TAF4B: variants seen among roughly 807,000 people sequenced by gnomAD.
The protein encoded by TAF4B is TATA-box binding protein associated factor 4b, also known as transcription initiation factor TFIID subunit 4B.
Under a neutral mutation model 86.4 loss-of-function variants are expected in TAF4B, and 38 were observed. The ratio of observed to expected loss-of-function variants is 0.44; its 90% CI spans 0.34 to 0.58. The LOEUF (loss-of-function observed/expected upper bound fraction) is 0.58, where lower values mean the gene tolerates loss of function less well. Ranked by LOEUF, TAF4B falls within the 20% of genes least tolerant of loss-of-function variation. The pLI is 0.02. For synonymous variants in TAF4B, 388 were observed against 391.2 expected, an observed-to-expected ratio of 0.99 and a Z score of 0.10; for missense variants, 988 against 1,027.6, an observed-to-expected ratio of 0.96 and a Z score of 0.53.
intron 1 of TAF4B, among the ~76,000 whole-genome samples, chr18:26,249,457 G>C (rs2055971931): frequency 6.6e-6 from 1 of 150,778 alleles, no homozygotes; most frequent in African/African-American, 2.4e-5. Flanking sequence ...GGGCAACAGA[G>C]CAAAACTCTC....
chr18:26,383,944 C>T (rs1164582037), intron 14 of TAF4B, among the ~76,000 whole-genome samples: 1 of 152,160 alleles, frequency 6.6e-6, no homozygotes, highest in East Asian at 1.9e-4. Context: ...GGCCTAGAAG[C>T]TTGGGTATTG....
chr18:26,361,614 A>C (rs1003776307), intron 14 of TAF4B, among the ~76,000 whole-genome samples: 3 of 151,796 alleles, frequency 2.0e-5, no homozygotes, highest in Non-Finnish European at 2.9e-5. Context: ...GCGTGGTGTC[A>C]TGTGCCTGTA....
At chr18:26,248,954 A>G (rs1261041395) in intron 1 of TAF4B, among the ~76,000 whole-genome samples, 5 of 151,734 alleles carry the variant, frequency 3.3e-5, no homozygotes, top group African/African-American at 4.8e-5. Flanking sequence ...TGGGTGGATC[A>G]TGACGTCAGG....
At chr18:26,333,347 A>G (rs977617769) in intron 12 of TAF4B, among the ~76,000 whole-genome samples, 5 of 151,074 alleles carry the variant, frequency 3.3e-5, no homozygotes, top group Non-Finnish European at 7.4e-5. Context: ...CAGCCTCCCA[A>G]GTAGTTGGGA....
At chr18:26,264,541 G>A (rs2056212719) in intron 1 of TAF4B, among the ~76,000 whole-genome samples, 1 of 152,198 alleles carries the variant, frequency 6.6e-6, no homozygotes, top group African/African-American at 2.4e-5. Context: ...TCTGGCATGT[G>A]GCATTGTTAG....
chr18:26,283,531 A>T (rs1236691401), intron 6 of TAF4B, among the ~76,000 whole-genome samples: 1 of 151,930 alleles, frequency 6.6e-6, no homozygotes, highest in Non-Finnish European at 1.5e-5. Flanking sequence ...TTGTTCATTG[A>T]TAGAGCACAG....
intron 7 of TAF4B, among the ~76,000 whole-genome samples, chr18:26,290,889 A>G (rs559143016): frequency 1.3e-5 from 2 of 152,360 alleles, no homozygotes; most frequent in African/African-American, 4.8e-5. Flanking sequence ...TGAGACCTGT[A>G]TATTACTTTG....
In TAF4B at chr18:26,283,452, T is replaced by C. The variant is rs2056474597; in HGVS notation, c.972+1392T>C. 2.0e-5 allele frequency among the ~76,000 whole-genome samples: 3 copies of C among 152,000 alleles called. No individual in the cohort carries two copies. In the South Asian group the frequency reaches 6.2e-4, roughly 32 times the overall value. On this transcript the variant is annotated intron_variant, in intron 6 of 14. Coordinates refer to ENST00000269142, the MANE Select transcript of TAF4B (RefSeq NM_005640.3). ...TCTTTTTTTTTTTTCTTCTGAGCAG[T>C]AGTTCTCAACAGTGGGCTTAAAATA...
intron 14 of TAF4B, among the ~76,000 whole-genome samples, chr18:26,380,278 T>C (rs2057469474): frequency 6.6e-6 from 1 of 152,222 alleles, no homozygotes; most frequent in Non-Finnish European, 1.5e-5. Context: ...ATTTCTTTTC[T>C]ACATTTAAAG....
intron 1 of TAF4B, among the ~76,000 whole-genome samples, chr18:26,230,497 T>A (rs1204840399): frequency 1.3e-5 from 2 of 152,210 alleles, no homozygotes; most frequent in Non-Finnish European, 2.9e-5. Flanking sequence ...CTTTTCAGTG[T>A]TCACCATACA....
intron 10 of TAF4B, among the ~76,000 whole-genome samples, chr18:26,318,543 G>A (rs561157173): frequency 9.9e-5 from 15 of 152,082 alleles, no homozygotes; most frequent in Non-Finnish European, 1.0e-4. Context: ...CTTGAATAAT[G>A]TTAACAGATA....
At chr18:26,387,202 C>T (rs957803202) in intron 14 of TAF4B, among the ~76,000 whole-genome samples, 1 of 152,096 alleles carries the variant, frequency 6.6e-6, no homozygotes, top group African/African-American at 2.4e-5. Context: ...AGTAAGTGAG[C>T]TTACAGACGC....
chr18:26,355,884 A>G (rs2057285124), intron 13 of TAF4B, among the ~76,000 whole-genome samples: 2 of 152,202 alleles, frequency 1.3e-5, no homozygotes, highest in Admixed American at 6.5e-5. Context: ...CAGCAACAAG[A>G]GATATTTTAT....
chr18:26,319,284 G>C (rs2056939626), intron 10 of TAF4B, among the ~76,000 whole-genome samples: 1 of 151,972 alleles, frequency 6.6e-6, no homozygotes. Flanking sequence ...TTGAGGTCAG[G>C]AGTTTGAGAC....
intron 9 of TAF4B, among the ~76,000 whole-genome samples, chr18:26,299,656 T>C (rs980540064): frequency 1.3e-5 from 2 of 152,208 alleles, no homozygotes; most frequent in Non-Finnish European, 2.9e-5. Flanking sequence ...AGGTCTGTTG[T>C]TTTCTTTGGG....
At chr18:26,335,258 T>C (rs954911721) in intron 13 of TAF4B, 27 bp downstream of exon 13, 15 of 1,606,206 alleles carry the variant, frequency 9.3e-6, no homozygotes, top group Non-Finnish European at 1.2e-5. Context: ...ACCATGCTTG[T>C]CTTTGTGTTT....
rs779544275 is a variant in TAF4B, at chr18:26,227,035, G to C, written c.102G>C (p.Arg34=). ...CCCCGGCCGGGGCGCTGCCGGTGCG[G>C]GTGGAGAGCACTCCGGTGGCCCTGG... ...TMAPAGALPV[R]VESTPVALGA... Residue 34 remains arginine (R), a synonymous_variant, in exon 1 of 15, where the codon CGG becomes CGC. Coordinates refer to ENST00000269142, the MANE Select transcript of TAF4B (RefSeq NM_005640.3). 1.4e-3 allele frequency: 2,105 copies of C among 1,540,800 alleles called. No homozygotes were observed. The highest frequency in any genetic ancestry group is 1.7e-3 in the Non-Finnish European group (1,945 of 1,155,052).
At position 26,285,929 on chromosome 18, in the gene TAF4B, C is replaced by T. The variant is rs1384787417; in HGVS notation, c.1020C>T (p.Phe340=). The change falls in exon 7 of 15, where the codon TTC becomes TTT. Residue 340 remains phenylalanine (F), a synonymous_variant. Transcript: ENST00000269142. ...LRQLLPNSQS[F]IQQCVQQTSS... is the part of the protein sequence containing the mutation. ...AACTTCTGCCTAACTCCCAGAGCTTCATCCAGCAATGTGTTCAGCAGACTT... is the reference window on the plus strand; with the variant it reads ...AACTTCTGCCTAACTCCCAGAGCTTTATCCAGCAATGTGTTCAGCAGACTT... 1.9e-6 allele frequency: 3 copies of T among 1,613,968 alleles called. No homozygotes were observed. The highest frequency in any genetic ancestry group is 1.7e-6 in the Non-Finnish European group (2 of 1,179,946).
At chr18:26,228,908 G>C (rs1240684973) in intron 1 of TAF4B, among the ~76,000 whole-genome samples, 1 of 152,064 alleles carries the variant, frequency 6.6e-6, no homozygotes, top group African/African-American at 2.4e-5. Context: ...TTTATTTGTT[G>C]GTCATAATAG....
Sources: gnomAD v4.1 joint callset for allele counts (sites outside exome capture counted in the v4.1 genomes callset) on GRCh38, gnomAD v4.1.1 for gene constraint, MANE v1.5 for transcripts, NCBI Gene and HGNC (gene_info 2026-07-23, HGNC 2026-07-21) for gene names.